NTNG2: variants seen among roughly 807,000 people sequenced by gnomAD.
The protein encoded by NTNG2 is netrin G2.
A neutral mutation model predicts 47.6 loss-of-function variants in NTNG2; 15 were observed. The ratio of observed to expected loss-of-function variants is 0.32; its 90% CI spans 0.21 to 0.49. The LOEUF (loss-of-function observed/expected upper bound fraction) is 0.49. Among genes scored for constraint, NTNG2 ranks in the 20% least tolerant of loss-of-function variants. The pLI, the probability that NTNG2 is intolerant of heterozygous loss-of-function variation, is 0.99. For missense variants in NTNG2, 578 were observed against 764.6 expected (o/e 0.76, Z 2.88); for synonymous variants, 307 against 324.6 (o/e 0.95, Z 0.58).
intron 3 of NTNG2, among the ~76,000 whole-genome samples, chr9:132,202,764 T>C (rs2130769518): frequency 6.6e-6 from 1 of 152,058 alleles, no homozygotes; most frequent in South Asian, 2.1e-4. Context: ...TAAGACAGGG[T>C]TCCCCAGCCC....
At chr9:132,192,119 AACGCGCAG>A (rs1012072991) in intron 2 of NTNG2, among the ~76,000 whole-genome samples, 6 of 152,158 alleles carry the variant, frequency 3.9e-5, no homozygotes, top group African/African-American at 7.2e-5. Flanking sequence ...GATGGGTGGA[AACGCGCAG>A]ACCCAGAGGA....
At position 132,231,956 on chromosome 9, in the gene NTNG2, A is replaced by C. The variant is rs1165149663; in HGVS notation, c.1054+1361A>C. 1 of 152,708 alleles carries C rather than the reference A, an allele frequency of 6.5e-6. No homozygotes were observed. Among genetic ancestry groups the C allele is most frequent in the African/African-American group, 2.4e-5 (1 of 41,466 alleles). The allele number at this position is 152,708 out of a possible 1,614,324, so 9.5% of individuals were successfully genotyped here. On this transcript the variant is annotated intron_variant, in intron 5 of 7. Coordinates refer to ENST00000393229, the MANE Select transcript of NTNG2 (RefSeq NM_032536.4). The surrounding 1 kb of genome is among the most constrained non-coding windows in gnomAD (Gnocchi z 4.1). Reference sequence around the variant, plus strand: ...CTAGAGCTGGGAGGCCACAGGCCAAAGGGGCTTGAGGACACCTGGGTCAAC... The same window carrying C: ...CTAGAGCTGGGAGGCCACAGGCCAACGGGGCTTGAGGACACCTGGGTCAAC...
chr9:132,163,696 G>T lies in NTNG2; in HGVS notation c.-484+1457G>T, dbSNP rs1380215564. ...CCCCCAGGGGCCCCGCGCCCGCCGC[G>T]GCAAGTTTCCCACACGGCGAGGGCG... On this transcript the variant is annotated intron_variant, in intron 1 of 7. Transcript: ENST00000393229. The surrounding 1 kb of genome is among the most constrained non-coding windows in gnomAD (Gnocchi z 7.2). Among the ~76,000 whole-genome samples the T allele has an allele frequency of 6.6e-6, 1 of 152,210 alleles. No homozygotes were observed. The highest frequency in any genetic ancestry group is 1.5e-5 in the Non-Finnish European group (1 of 68,026).
chr9:132,175,684 A>G (rs890391819), intron 2 of NTNG2, among the ~76,000 whole-genome samples: 1 of 152,198 alleles, frequency 6.6e-6, no homozygotes, highest in African/African-American at 2.4e-5. Flanking sequence ...GCACACACCA[A>G]CTGCTGGCGG....
intron 6 of NTNG2, 38 bp from the exon 7 acceptor site, chr9:132,240,872 G>T (rs1334117167): frequency 6.2e-7 from 1 of 1,612,162 alleles, no homozygotes; most frequent in Admixed American, 1.7e-5. Context: ...GCGCCCACAC[G>T]TAGCCCTGAC....
Sources: gnomAD v4.1 joint callset for allele counts (sites outside exome capture counted in the v4.1 genomes callset) on GRCh38, gnomAD v4.1.1 for gene constraint, Gnocchi (gnomAD v3.1) non-coding constraint, MANE v1.5 for transcripts, NCBI Gene and HGNC (gene_info 2026-07-23, HGNC 2026-07-21) for gene names.